PRKN: variants seen among roughly 807,000 people sequenced by gnomAD.
The protein encoded by PRKN is E3 ubiquitin-protein ligase parkin.
Under a neutral mutation model 59.5 loss-of-function variants are expected in PRKN, and 56 were observed. That is an observed-to-expected ratio of 0.94 (90% CI 0.76 to 1.18). The LOEUF (loss-of-function observed/expected upper bound fraction) is 1.18, where lower values mean the gene tolerates loss of function less well. Among genes scored for constraint, PRKN ranks in the 50% most tolerant of loss-of-function variants. The pLI is 0.00. For synonymous variants in PRKN, 250 were observed against 222.1 expected (o/e 1.13, Z -1.12); for missense variants, 657 against 596.4 (o/e 1.10, Z -1.06).
intron 9 of PRKN, among the ~76,000 whole-genome samples, chr6:161,472,297 G>T (rs1418843543): frequency 1.3e-5 from 2 of 152,086 alleles, no homozygotes. Flanking sequence ...AGAACGTGTT[G>T]GGAGTTTAAG....
rs1777870522 is a variant in PRKN, at chr6:161,499,285, C to T, written c.1083+49569G>A. Among the ~76,000 whole-genome samples, 1 of 152,136 alleles carries T rather than the reference C, an allele frequency of 6.6e-6. No homozygotes were observed. The highest frequency in any genetic ancestry group is 2.4e-5 in the African/African-American group (1 of 41,422). ...GGCCTCCACTCCTTCCCTTCAGTTG[C>T]TATTTGTCATTACACATAAATGTCT... On this transcript the variant is annotated intron_variant, in intron 9 of 11. Transcript: ENST00000366898. This position sits in a 1 kb window ranked among gnomAD's most constrained non-coding sequence, Gnocchi z 4.2.
intron 1 of PRKN, among the ~76,000 whole-genome samples, chr6:162,560,506 T>C (rs1779789638): frequency 6.6e-6 from 1 of 152,160 alleles, no homozygotes; most frequent in Admixed American, 6.5e-5. Flanking sequence ...TCTTATATTT[T>C]ACAAGTGTAA....
chr6:161,874,678 A>C (rs1583282979), intron 6 of PRKN, among the ~76,000 whole-genome samples: 1 of 123,920 alleles, frequency 8.1e-6, no homozygotes, highest in Non-Finnish European at 1.5e-5. Context: ...ATAATATATA[A>C]AATGTACAAT....
chr6:161,838,731 G>A (rs1792861851), intron 6 of PRKN, among the ~76,000 whole-genome samples: 1 of 152,216 alleles, frequency 6.6e-6, no homozygotes, highest in South Asian at 2.1e-4. Context: ...ACTGCAGGGA[G>A]GAGACACAAG....
intron 1 of PRKN, among the ~76,000 whole-genome samples, chr6:162,481,449 A>G (rs904490654): frequency 5.3e-5 from 8 of 150,422 alleles, no homozygotes; most frequent in East Asian, 1.9e-4. Context: ...CTGGTGGGGG[A>G]AAAAAAAGCA....
rs1337498518 is a variant in PRKN, at chr6:161,390,895, T to C, written c.1084-4018A>G. ...GTCGTTATGACATTAATTCTTACTATGCTACGTGGTACAAAACCTTTCATA... is the reference window on the plus strand; with the variant it reads ...GTCGTTATGACATTAATTCTTACTACGCTACGTGGTACAAAACCTTTCATA... On this transcript the variant is annotated intron_variant, in intron 9 of 11. Coordinates refer to ENST00000366898, the MANE Select transcript of PRKN (RefSeq NM_004562.3). The surrounding 1 kb of genome is among the most constrained non-coding windows in gnomAD (Gnocchi z 7.0). Among the ~76,000 whole-genome samples, 4 of 152,198 alleles carry C rather than the reference T, an allele frequency of 2.6e-5. No individual in the cohort carries two copies. Among genetic ancestry groups the C allele is most frequent in the Admixed American group, 2.6e-4 (4 of 15,276 alleles).
intron 1 of PRKN, among the ~76,000 whole-genome samples, chr6:162,646,689 T>C (rs1022009723): frequency 1.3e-5 from 2 of 152,182 alleles, no homozygotes; most frequent in African/African-American, 4.8e-5. Context: ...GAGTACGTTA[T>C]AGAGTGCACT....
At chr6:162,505,580 G>C (rs1793572807) in intron 1 of PRKN, among the ~76,000 whole-genome samples, 1 of 152,108 alleles carries the variant, frequency 6.6e-6, no homozygotes, top group South Asian at 2.1e-4. Context: ...TGTCCACATG[G>C]ATAAGCTTCA....
rs59944356 is a variant in PRKN, at chr6:162,540,807, C to CA, written c.8-97335dup. ...GGGTGACAAGAGTGAAACTCTGGCT[C>CA]AAAAAAAAAAAAAAAAATTAAAAAT... is the stretch of plus-strand genomic sequence containing the variant. On this transcript the variant is annotated intron_variant, in intron 1 of 11. Coordinates refer to ENST00000366898, the MANE Select transcript of PRKN (RefSeq NM_004562.3). Among the ~76,000 whole-genome samples, 414 of 126,452 alleles carry CA rather than the reference C, an allele frequency of 3.3e-3. 5 individuals are homozygous for CA. The highest frequency in any genetic ancestry group is 0.013 in the East Asian group (46 of 3,468). 83.0% of individuals were successfully genotyped at this position (126,452 alleles called of 152,430 possible). A position where few individuals can be genotyped will look rare whatever the true frequency, so the allele number is the denominator to read the frequency against.
chr6:161,759,936 G>A (rs9295163), intron 7 of PRKN, among the ~76,000 whole-genome samples: 48,010 of 151,898 alleles, frequency 0.32, 7,770 homozygotes, highest in South Asian at 0.44. Flanking sequence ...TGATACAACT[G>A]AAGGATGTTT....
Position 161,525,372 on chromosome 6 carries a change from G to A in PRKN, c.1083+23482C>T, listed in dbSNP as rs1778980248. The stretch of plus-strand genomic sequence containing the variant: ...AGGTCCTGAGGACTTTCCTCCTGGA[G>A]CCTAGCCTGCCAGTGAGTAGGCTGC... On this transcript the variant is annotated intron_variant, in intron 9 of 11. Coordinates refer to ENST00000366898, the MANE Select transcript of PRKN (RefSeq NM_004562.3). The surrounding 1 kb of genome is among the most constrained non-coding windows in gnomAD (Gnocchi z 4.7). 6.6e-6 allele frequency among the ~76,000 whole-genome samples: 1 copy of A among 152,148 alleles called. No homozygotes were observed. The highest frequency in any genetic ancestry group is 2.4e-5 in the African/African-American group (1 of 41,442).
At chr6:161,902,826 G>A (rs989507749) in intron 6 of PRKN, among the ~76,000 whole-genome samples, 1 of 151,968 alleles carries the variant, frequency 6.6e-6, no homozygotes, top group Admixed American at 6.6e-5. Context: ...CAAAGTGCTG[G>A]GATTACAGGC....
chr6:162,418,730 G>A (rs1295094153), intron 2 of PRKN, among the ~76,000 whole-genome samples: 2 of 150,910 alleles, frequency 1.3e-5, no homozygotes, highest in Non-Finnish European at 1.5e-5. Context: ...AGTGGCTGAT[G>A]GTGTGCACGG....
intron 9 of PRKN, among the ~76,000 whole-genome samples, chr6:161,452,010 C>G (rs536847253): frequency 2.0e-5 from 3 of 151,002 alleles, no homozygotes; most frequent in African/African-American, 7.3e-5. Flanking sequence ...GACTGGAGTG[C>G]AGTGGCATGA....
intron 7 of PRKN, among the ~76,000 whole-genome samples, chr6:161,772,918 T>C (rs1449494873): frequency 6.6e-6 from 1 of 152,182 alleles, no homozygotes; most frequent in Non-Finnish European, 1.5e-5. Flanking sequence ...ATTTAGATGG[T>C]TCTGGAGAGG....
intron 1 of PRKN, among the ~76,000 whole-genome samples, chr6:162,679,109 T>A (rs13193754): frequency 1.0e-3 from 153 of 148,502 alleles, no homozygotes; most frequent in African/African-American, 3.2e-3. Flanking sequence ...TTTATTTATT[T>A]ATGAATGAAT....
intron 6 of PRKN, among the ~76,000 whole-genome samples, chr6:161,883,816 C>A (rs1316438659): frequency 3.9e-5 from 6 of 151,914 alleles, no homozygotes; most frequent in Non-Finnish European, 7.4e-5. Context: ...CCACGCCCAG[C>A]CAATTTTTGT....
intron 4 of PRKN, among the ~76,000 whole-genome samples, chr6:162,063,621 T>C (rs1443573540): frequency 1.9e-4 from 11 of 56,974 alleles, no homozygotes; most frequent in Non-Finnish European, 5.0e-4. Flanking sequence ...CTCCGCTCAC[T>C]GCAAACTCTG....
In PRKN at chr6:161,767,591, A is replaced by G. The variant is rs556691779; in HGVS notation, c.871+18181T>C. Reference sequence around the variant, plus strand: ...CGAAGCAAAGCTGCAAGCATTAACTATTGTACTTCTGATGCCCATCTAAAG... The same window carrying G: ...CGAAGCAAAGCTGCAAGCATTAACTGTTGTACTTCTGATGCCCATCTAAAG... On this transcript the variant is annotated intron_variant, in intron 7 of 11. Transcript: ENST00000366898. Among the ~76,000 whole-genome samples the G allele has an allele frequency of 1.5e-3, 223 of 152,310 alleles. 1 individual carries two copies. The highest frequency in any genetic ancestry group is 2.7e-3 in the Non-Finnish European group (183 of 68,022).
Sources: gnomAD v4.1 joint callset for allele counts (sites outside exome capture counted in the v4.1 genomes callset) on GRCh38, gnomAD v4.1.1 for gene constraint, Gnocchi (gnomAD v3.1) non-coding constraint, MANE v1.5 for transcripts, NCBI Gene and HGNC (gene_info 2026-07-23, HGNC 2026-07-21) for gene names.